The following FOXP2 variants were observed in gnomAD, a reference collection of about 807,000 sequenced individuals.
FOXP2 encodes the protein forkhead box protein P2.
Under a neutral mutation model 115.8 loss-of-function variants are expected in FOXP2, and 12 were observed. That is an observed-to-expected ratio of 0.10 (90% CI 0.07 to 0.17). FOXP2 has a LOEUF of 0.17. FOXP2 is among the 10% of genes least tolerant of loss of function. The pLI is 1.00. For missense variants in FOXP2, 629 were observed against 843.5 expected, an observed-to-expected ratio of 0.75 and a Z score of 3.15; for synonymous variants, 328 against 297.7, an observed-to-expected ratio of 1.10 and a Z score of -1.05.
At chr7:114,096,282 A>G (rs576734346) in intron 1 of FOXP2, among the ~76,000 whole-genome samples, 2 of 152,348 alleles carry the variant, frequency 1.3e-5, no homozygotes, top group Non-Finnish European at 2.9e-5. Context: ...GTTACAAAGA[A>G]TGTTTATTCC....
chr7:114,252,241 G>A (rs1049303282), intron 1 of FOXP2, among the ~76,000 whole-genome samples: 4 of 152,160 alleles, frequency 2.6e-5, no homozygotes, highest in Non-Finnish European at 5.9e-5. Flanking sequence ...AGGGATATTG[G>A]TCTAAAATTC....
chr7:114,369,027 A>C (rs756996395), intron 2 of FOXP2, among the ~76,000 whole-genome samples: 10 of 152,180 alleles, frequency 6.6e-5, no homozygotes, highest in Admixed American at 6.5e-4. Flanking sequence ...GCCACTTAAG[A>C]CAGTGCACTT....
intron 2 of FOXP2, among the ~76,000 whole-genome samples, chr7:114,325,814 T>C (rs1416173825): frequency 6.6e-6 from 1 of 152,144 alleles, no homozygotes; most frequent in East Asian, 1.9e-4. Flanking sequence ...GGAGGCAACA[T>C]ATTCAGTTAT....
At chr7:114,577,154 G>A (rs1251942731) in intron 3 of FOXP2, among the ~76,000 whole-genome samples, 1 of 151,884 alleles carries the variant, frequency 6.6e-6, no homozygotes, top group Non-Finnish European at 1.5e-5. Flanking sequence ...CATAGTTTAT[G>A]CAGTACTGTA....
intron 2 of FOXP2, among the ~76,000 whole-genome samples, chr7:114,513,118 C>T (rs1211022869): frequency 6.6e-6 from 1 of 151,996 alleles, no homozygotes. Context: ...AACACTATTA[C>T]CTTGGTTAAA....
At chr7:114,378,314 T>A (rs1312990480) in intron 2 of FOXP2, among the ~76,000 whole-genome samples, 1 of 152,030 alleles carries the variant, frequency 6.6e-6, no homozygotes, top group African/African-American at 2.4e-5. Flanking sequence ...CTTGACTAAT[T>A]CAGCCTCATC....
At chr7:114,176,318 CTCTTTCTTTT>C (rs1793306514) in intron 1 of FOXP2, among the ~76,000 whole-genome samples, 1 of 139,078 alleles carries the variant, frequency 7.2e-6, no homozygotes, top group African/African-American at 3.0e-5. Flanking sequence ...CTCTCTCTCT[CTCTTTCTTTT>C]TCTTTCTTTC....
chr7:114,230,932 G>T (rs553098764), intron 1 of FOXP2, among the ~76,000 whole-genome samples: 1 of 150,938 alleles, frequency 6.6e-6, no homozygotes, highest in East Asian at 1.9e-4. Flanking sequence ...AATTATCTCT[G>T]CTAGCAGGTA....
At chr7:114,236,509 T>C (rs549350702) in intron 1 of FOXP2, among the ~76,000 whole-genome samples, 2 of 152,340 alleles carry the variant, frequency 1.3e-5, no homozygotes, top group African/African-American at 4.8e-5. Flanking sequence ...TGTAAATGTA[T>C]AGCTATAGAT....
rs114667347 is a variant in FOXP2, at chr7:114,127,428, A to G, written c.-246-35516A>G. ...GAGGCTACCTTATGGTCTGTCTACC[A>G]CAATGCCTAAAATTTCTTTTGGGTG... is the stretch of plus-strand genomic sequence containing the variant. On this transcript the variant is annotated intron_variant, in intron 1 of 19. Transcript: ENST00000635638. 1.3e-3 allele frequency among the ~76,000 whole-genome samples: 197 copies of G among 152,324 alleles called. 2 individuals carry two copies. Among genetic ancestry groups the G allele is most frequent in the African/African-American group, 4.5e-3 (185 of 41,568 alleles).
intron 3 of FOXP2, among the ~76,000 whole-genome samples, chr7:114,564,901 G>A (rs1800931314): frequency 6.7e-6 from 1 of 149,670 alleles, no homozygotes; most frequent in South Asian, 2.1e-4. Context: ...AAAAAATCTA[G>A]AAATGTTATT....
At chr7:114,428,225 G>A (rs1793954259) in intron 2 of FOXP2, among the ~76,000 whole-genome samples, 1 of 151,570 alleles carries the variant, frequency 6.6e-6, no homozygotes, top group African/African-American at 2.4e-5. Context: ...TCGCAGTTGA[G>A]TATCAGTAGA....
At chr7:114,552,801 TA>T (rs1158561157) in intron 3 of FOXP2, among the ~76,000 whole-genome samples, 2 of 152,106 alleles carry the variant, frequency 1.3e-5, no homozygotes. Flanking sequence ...TGAAGAAAAA[TA>T]AAATAAGGAA....
intron 2 of FOXP2, among the ~76,000 whole-genome samples, chr7:114,492,029 T>C (rs1468045512): frequency 6.6e-6 from 1 of 152,200 alleles, no homozygotes; most frequent in African/African-American, 2.4e-5. Flanking sequence ...CGGCTGTGAA[T>C]CCATCTGGTC....
At chr7:114,561,719 A>G (rs1487346398) in intron 3 of FOXP2, among the ~76,000 whole-genome samples, 1 of 152,192 alleles carries the variant, frequency 6.6e-6, no homozygotes, top group Non-Finnish European at 1.5e-5. Flanking sequence ...ATAAACATTC[A>G]TGAATCGATT....
intron 1 of FOXP2, among the ~76,000 whole-genome samples, chr7:114,131,475 A>T (rs943983676): frequency 1.1e-4 from 16 of 152,160 alleles, no homozygotes; most frequent in African/African-American, 3.4e-4. Context: ...TTACCGGGAC[A>T]ATGTTAGTGA....
At chr7:114,634,211 G>T (rs1805086982) in intron 6 of FOXP2, among the ~76,000 whole-genome samples, 1 of 152,012 alleles carries the variant, frequency 6.6e-6, no homozygotes, top group South Asian at 2.1e-4. Context: ...GACCAGGCTG[G>T]TCTCTAACCC....
intron 16 of FOXP2, chr7:114,669,297 C>G (rs756037197): frequency 6.6e-5 from 10 of 152,020 alleles, no homozygotes; most frequent in Non-Finnish European, 1.0e-4. Context: ...AGCCAGGCGA[C>G]ATTGTATAGA....
At chr7:114,568,672 CT>C (rs1348692126) in intron 3 of FOXP2, among the ~76,000 whole-genome samples, 1 of 151,816 alleles carries the variant, frequency 6.6e-6, no homozygotes, top group Non-Finnish European at 1.5e-5. Flanking sequence ...ATGAAAACCT[CT>C]TTTTTAATGA....
Sources: allele counts gnomAD v4.1 joint callset (sites outside exome capture counted in the v4.1 genomes callset), GRCh38; gene constraint gnomAD v4.1.1; transcripts MANE v1.5; gene names NCBI Gene and HGNC (gene_info 2026-07-23, HGNC 2026-07-21).